Variants in RIMKLB observed in about 807,000 individuals in gnomAD.
RIMKLB encodes beta-citrylglutamate synthase B.
A neutral mutation model predicts 32.0 loss-of-function variants in RIMKLB; 7 were observed. The observed-to-expected ratio is 0.22, with a 90% CI of 0.12 to 0.41. The LOEUF (loss-of-function observed/expected upper bound fraction) is 0.41, where lower values mean the gene tolerates loss of function less well. Ranked by LOEUF, RIMKLB falls within the 10% of genes least tolerant of loss-of-function variation. The pLI is 1.00. For synonymous variants in RIMKLB, 172 were observed against 185.1 expected, an observed-to-expected ratio of 0.93 and a Z score of 0.57; for missense variants, 289 against 498.7, an observed-to-expected ratio of 0.58 and a Z score of 4.00.
intron 1 of RIMKLB, among the ~76,000 whole-genome samples, chr12:8,704,932 T>C (rs1943718078): frequency 6.6e-6 from 1 of 150,738 alleles, no homozygotes. Context: ...TGCAGTTGCG[T>C]CACTGCAGGC....
Position 8,775,086 on chromosome 12 carries a change from G to A in RIMKLB, c.*1302G>A. ...AGTAGATGCTTTTTTAGGCCTTTTTGTGTATATGTACGTTGTTTGTTTTTT... is the reference window on the plus strand; with the variant it reads ...AGTAGATGCTTTTTTAGGCCTTTTTATGTATATGTACGTTGTTTGTTTTTT... On this transcript the variant is annotated 3_prime_UTR_variant, in exon 6 of 6. Transcript: ENST00000535829. The A allele has an allele frequency of 1.0e-6, 1 of 985,692 alleles. No homozygotes were observed. Among genetic ancestry groups the A allele is most frequent in the Non-Finnish European group, 1.2e-6 (1 of 829,838 alleles). 61.1% of individuals were successfully genotyped at this position (985,692 alleles called of 1,614,324 possible). A position where few individuals can be genotyped will look rare whatever the true frequency, so the allele number is the denominator to read the frequency against.
intron 1 of RIMKLB, among the ~76,000 whole-genome samples, chr12:8,698,960 CCA>C (rs1491129490): frequency 2.0e-5 from 3 of 151,730 alleles, no homozygotes; most frequent in Non-Finnish European, 2.9e-5. Context: ...TCACCCCCCC[CCA>C]AAAAAAACCC....
chr12:8,769,059 T>G (rs1311754092), intron 5 of RIMKLB, among the ~76,000 whole-genome samples: 2 of 152,134 alleles, frequency 1.3e-5, no homozygotes, highest in Non-Finnish European at 2.9e-5. Context: ...CATCTTCCTC[T>G]GGAGAATTTT....
intron 1 of RIMKLB, chr12:8,700,717 A>C (rs1457726431): frequency 6.6e-6 from 1 of 152,224 alleles, no homozygotes; most frequent in Admixed American, 6.6e-5. Flanking sequence ...GTTTACAAAG[A>C]GTATTCTGCA....
upstream of RIMKLB, among the ~76,000 whole-genome samples, chr12:8,694,387 A>ATTTTTTTTTTTTTTTTTTTTTTTTTTTT (rs769859426): frequency 8.4e-6 from 1 of 119,078 alleles, no homozygotes. Context: ...ATCCTGTTGA[A>ATTTTTTTTTTTTTTTTTTTTTTTTTTTT]TTTTTTTTCT....
At chr12:8,770,440 C>T (rs1194481716) in intron 5 of RIMKLB, among the ~76,000 whole-genome samples, 1 of 152,100 alleles carries the variant, frequency 6.6e-6, no homozygotes, top group East Asian at 1.9e-4. Context: ...TTTATCCATT[C>T]CCAGGCAGTC....
chr12:8,744,436 TA>T (rs1947885322), intron 2 of RIMKLB, among the ~76,000 whole-genome samples: 1 of 151,906 alleles, frequency 6.6e-6, no homozygotes, highest in Non-Finnish European at 1.5e-5. Flanking sequence ...ATCCCATTTT[TA>T]AAAAGGAGCA....
intron 3 of RIMKLB, among the ~76,000 whole-genome samples, chr12:8,750,880 TTAAATCAGAGTTTTCCA>T (rs1948569118): frequency 6.7e-6 from 1 of 149,332 alleles, no homozygotes; most frequent in Non-Finnish European, 1.5e-5. Flanking sequence ...AAGATCAAAC[TTAAATCAGAGTTTTCCA>T]TAAAGGTATT....
At chr12:8,756,194 A>G (rs1327192691) in intron 5 of RIMKLB, among the ~76,000 whole-genome samples, 2 of 151,108 alleles carry the variant, frequency 1.3e-5, no homozygotes, top group African/African-American at 4.9e-5. Context: ...CATGGCATGC[A>G]CCTGTGGTCC....
intron 2 of RIMKLB, among the ~76,000 whole-genome samples, chr12:8,728,852 G>T (rs1019498827): frequency 6.6e-6 from 1 of 151,972 alleles, no homozygotes; most frequent in African/African-American, 2.4e-5. Flanking sequence ...GCCCAGGCTG[G>T]TCTTGAACTT....
chr12:8,732,783 T>TCACACACACACACACA (rs1565591296), intron 2 of RIMKLB, among the ~76,000 whole-genome samples: 2 of 150,464 alleles, frequency 1.3e-5, no homozygotes, highest in African/African-American at 5.0e-5. Flanking sequence ...ACACACACAC[T>TCACACACACACACACA]CTCTTTAATT....
chr12:8,755,110 C>A (rs2137840985), intron 5 of RIMKLB, among the ~76,000 whole-genome samples: 1 of 152,280 alleles, frequency 6.6e-6, no homozygotes, highest in South Asian at 2.1e-4. Flanking sequence ...TGCTACCATG[C>A]CCAGCTAATT....
At chr12:8,677,142 C>A (rs1437013167), upstream of RIMKLB, among the ~76,000 whole-genome samples, 1 of 152,112 alleles carries the variant, frequency 6.6e-6, no homozygotes, top group Non-Finnish European at 1.5e-5. Context: ...CGTTTTCCAC[C>A]ACCTGTAGTA....
At chr12:8,694,387 A>ATTTTTTTTTTTTTT (rs769859426), upstream of RIMKLB, among the ~76,000 whole-genome samples, 20 of 119,084 alleles carry the variant, frequency 1.7e-4, no homozygotes, top group African/African-American at 5.5e-4. Context: ...ATCCTGTTGA[A>ATTTTTTTTTTTTTT]TTTTTTTTCT....
intron 5 of RIMKLB, among the ~76,000 whole-genome samples, chr12:8,757,392 A>G (rs1489139433): frequency 6.7e-6 from 1 of 149,950 alleles, no homozygotes; most frequent in African/African-American, 2.5e-5. Context: ...AATAAGCCAG[A>G]CGTGGTGATT....
chr12:8,674,993 AG>A, the RIMKLB span, among the ~76,000 whole-genome samples: 1 of 150,400 alleles, frequency 6.6e-6, no homozygotes, highest in South Asian at 2.1e-4. Context: ...CCTCCCGAGT[AG>A]CCGGGATTAC....
intron 2 of RIMKLB, among the ~76,000 whole-genome samples, chr12:8,714,776 CAG>C (rs1402467225): frequency 6.6e-5 from 10 of 152,090 alleles, no homozygotes; most frequent in Non-Finnish European, 1.0e-4. Flanking sequence ...TAGTTTCTGT[CAG>C]GGAGCATTAT....
chr12:8,754,186 A>T, intron 5 of RIMKLB, 93 bp downstream of exon 5: 1 of 909,682 alleles, frequency 1.1e-6, no homozygotes, highest in Non-Finnish European at 1.8e-6. Context: ...GACCTTCTTA[A>T]TAAGTTGAAA....
chr12:8,695,806 G>C (rs1045340242), upstream of RIMKLB, among the ~76,000 whole-genome samples: 1 of 150,678 alleles, frequency 6.6e-6, no homozygotes. Flanking sequence ...CGATTCTCCT[G>C]CCTCAGCCTC....
Sources: allele counts gnomAD v4.1 joint callset (sites outside exome capture counted in the v4.1 genomes callset), GRCh38; gene constraint gnomAD v4.1.1; transcripts MANE v1.5; gene names NCBI Gene and HGNC (gene_info 2026-07-23, HGNC 2026-07-21).